LNP1: variants seen among roughly 807,000 people sequenced by gnomAD.
LNP1 encodes the protein leukemia NUP98 fusion partner 1.
A neutral mutation model predicts 14.5 loss-of-function variants in LNP1; 12 were observed. The observed-to-expected ratio is 0.83, with a 90% confidence interval of 0.53 to 1.34. The LOEUF (loss-of-function observed/expected upper bound fraction) is 1.34, where lower values mean the gene tolerates loss of function less well. LNP1 is among the 40% of genes most tolerant of loss of function. The pLI is 0.00. For missense variants in LNP1, 198 were observed against 210.9 expected, an observed-to-expected ratio of 0.94 and a Z score of 0.38; for synonymous variants, 75 against 71.4, an observed-to-expected ratio of 1.05 and a Z score of -0.26.
intron 2 of LNP1, among the ~76,000 whole-genome samples, chr3:100,433,948 G>A (rs891392372): frequency 1.2e-4 from 19 of 152,098 alleles, no homozygotes; most frequent in African/African-American, 4.6e-4. Flanking sequence ...TAAGTTCATT[G>A]TAGATTCTGG....
chr3:100,427,125 G>C (rs1395043448), intron 1 of LNP1, among the ~76,000 whole-genome samples: 1 of 151,878 alleles, frequency 6.6e-6, no homozygotes, highest in East Asian at 1.9e-4. Flanking sequence ...TTTCTTGCTG[G>C]TTTATCTAAA....
chr3:100,409,607 T>TA (rs199660524), intron 1 of LNP1, among the ~76,000 whole-genome samples: 8,945 of 49,322 alleles, frequency 0.18, 564 homozygotes, highest in East Asian at 0.45. Context: ...TATATATATA[T>TA]TTTTTTTTTT....
At chr3:100,453,746 C>T (rs940896049) in intron 3 of LNP1, among the ~76,000 whole-genome samples, 7 of 152,130 alleles carry the variant, frequency 4.6e-5, no homozygotes, top group African/African-American at 1.7e-4. Context: ...TATTTGCCTA[C>T]ACTATCTCTC....
intron 2 of LNP1, among the ~76,000 whole-genome samples, chr3:100,430,126 C>T (rs879363351): frequency 3.3e-5 from 5 of 152,138 alleles, no homozygotes; most frequent in Non-Finnish European, 7.3e-5. Flanking sequence ...TCTTTAACTA[C>T]TCTTCAGAGC....
intron 1 of LNP1, among the ~76,000 whole-genome samples, chr3:100,418,506 T>G (rs1576228000): frequency 6.6e-6 from 1 of 152,162 alleles, no homozygotes; most frequent in East Asian, 1.9e-4. Flanking sequence ...CTGTGTGAGA[T>G]TCTACCTTGA....
intron 2 of LNP1, among the ~76,000 whole-genome samples, chr3:100,430,725 ATAT>A (rs1707235453): frequency 6.6e-6 from 1 of 152,180 alleles, no homozygotes; most frequent in African/African-American, 2.4e-5. Flanking sequence ...GTTTGGGGTA[ATAT>A]TATTTTATTT....
At chr3:100,449,296 T>C (rs1707417012) in intron 2 of LNP1, among the ~76,000 whole-genome samples, 1 of 152,128 alleles carries the variant, frequency 6.6e-6, no homozygotes, top group Admixed American at 6.5e-5. Flanking sequence ...AATACATTCT[T>C]CTTTAAAAAT....
intron 2 of LNP1, among the ~76,000 whole-genome samples, chr3:100,446,868 C>A (rs926302404): frequency 3.3e-5 from 5 of 152,188 alleles, no homozygotes; most frequent in Admixed American, 6.5e-5. Context: ...CATCACTGGT[C>A]ATCAGAGAAA....
chr3:100,427,025 T>C (rs55958541), intron 1 of LNP1, among the ~76,000 whole-genome samples: 15,282 of 152,068 alleles, frequency 0.1, 2,523 homozygotes, highest in African/African-American at 0.35. Flanking sequence ...ATTCAGCGTA[T>C]ATGATTCACA....
chr3:100,435,875 A>G (rs1707289795), intron 2 of LNP1, among the ~76,000 whole-genome samples: 1 of 152,194 alleles, frequency 6.6e-6, no homozygotes, highest in South Asian at 2.1e-4. Context: ...GGCCCTATTC[A>G]TGAAAAGATC....
chr3:100,422,970 CT>C, intron 1 of LNP1, among the ~76,000 whole-genome samples: 1 of 151,822 alleles, frequency 6.6e-6, no homozygotes, highest in Non-Finnish European at 1.5e-5. Flanking sequence ...TGATGACCAC[CT>C]CAAAAGAGTG....
chr3:100,451,723 C>T lies in LNP1; in HGVS notation c.161C>T (p.Pro54Leu), dbSNP rs1707439830. The change falls in exon 3 of 4, where the codon CCT (proline) becomes CTT (leucine). Residue 54 changes from proline to leucine, a missense_variant. Physicochemically the swap from Pro to Leu is moderately conservative, Grantham distance 98. Transcript: ENST00000383693. The part of the protein sequence containing the change: ...HRKTSLPCPL[P>L]VLPRIPSSDC... ...TTTTTCATTCTGTATTCTCAGCTTC[C>T]TGTGCTTCCCAGAATTCCATCATCT... 1 of 917,074 alleles carries T rather than the reference C, an allele frequency of 1.1e-6. No individual in the cohort carries two copies. Among genetic ancestry groups the T allele is most frequent in the East Asian group, 7.3e-5 (1 of 13,690 alleles). 56.8% of individuals were successfully genotyped at this position (917,074 alleles called of 1,614,324 possible).
chr3:100,436,225 A>T (rs1036014317), intron 2 of LNP1, among the ~76,000 whole-genome samples: 6 of 152,150 alleles, frequency 3.9e-5, no homozygotes, highest in African/African-American at 1.4e-4. Context: ...TAGGTATCTT[A>T]TTGCCACAAA....
intron 1 of LNP1, among the ~76,000 whole-genome samples, chr3:100,411,353 G>A (rs1298097605): frequency 6.6e-6 from 1 of 152,184 alleles, no homozygotes. Context: ...TGATTTAGAT[G>A]ATATTTAATG....
intron 2 of LNP1, among the ~76,000 whole-genome samples, chr3:100,446,290 A>G (rs1013989338): frequency 1.3e-5 from 2 of 152,206 alleles, no homozygotes; most frequent in African/African-American, 4.8e-5. Flanking sequence ...CTCCGAAATA[A>G]CACCACACAT....
chr3:100,446,251 T>C (rs567829291), intron 2 of LNP1, among the ~76,000 whole-genome samples: 1 of 152,014 alleles, frequency 6.6e-6, no homozygotes, highest in Non-Finnish European at 1.5e-5. Context: ...CCAAAACAGA[T>C]ATATAGACCA....
chr3:100,413,471 G>A (rs1707049665), intron 1 of LNP1, among the ~76,000 whole-genome samples: 1 of 152,182 alleles, frequency 6.6e-6, no homozygotes, highest in East Asian at 1.9e-4. Flanking sequence ...CTCCTTAGCT[G>A]TGACTGATAG....
Position 100,430,434 on chromosome 3 carries a change from A to G in LNP1, c.156+549A>G, listed in dbSNP as rs142507194. Among the ~76,000 whole-genome samples, 35 of 152,346 alleles carry G rather than the reference A, an allele frequency of 2.3e-4. 1 individual carries two copies. The East Asian group carries it at 6.8e-3, about 29-fold the overall frequency. On this transcript the variant is annotated intron_variant, in intron 2 of 3. Coordinates refer to ENST00000383693, the MANE Select transcript of LNP1 (RefSeq NM_001085451.2). ...CAGCACTGTTTTGTTACAGCTAGGC[A>G]GAGCACCTGATATCTGAGGAACAAG...
chr3:100,431,994 A>T (rs1379910635), intron 2 of LNP1, among the ~76,000 whole-genome samples: 16 of 930 alleles, frequency 0.017, no homozygotes, highest in East Asian at 0.25. Flanking sequence ...GACCTTGTTT[A>T]TATATATATA....
Sources: allele counts gnomAD v4.1 joint callset (sites outside exome capture counted in the v4.1 genomes callset), GRCh38; gene constraint gnomAD v4.1.1; transcripts MANE v1.5; gene names NCBI Gene and HGNC (gene_info 2026-07-23, HGNC 2026-07-21).